ME3: variants seen among roughly 807,000 people sequenced by gnomAD.
ME3 encodes the protein malic enzyme 3.
ME3 carries 48 observed loss-of-function variants against 68.9 expected under a neutral mutation model. The observed-to-expected ratio is 0.70, with a 90% CI of 0.55 to 0.89. The LOEUF (loss-of-function observed/expected upper bound fraction) is 0.89, where lower values mean the gene tolerates loss of function less well. Ranked by LOEUF, ME3 falls within the 40% of genes least tolerant of loss-of-function variation. The pLI is 0.00. For synonymous variants in ME3, 320 were observed against 318.8 expected, an observed-to-expected ratio of 1.00 and a Z score of -0.04; for missense variants, 675 against 797.4, an observed-to-expected ratio of 0.85 and a Z score of 1.85.
chr11:86,667,613 T>A (rs766826759), intron 2 of ME3: 1 of 152,218 alleles, frequency 6.6e-6, no homozygotes. Flanking sequence ...TCTGTCCCCA[T>A]GGTCTAGTGT....
intron 2 of ME3, among the ~76,000 whole-genome samples, chr11:86,650,736 A>AGACAGTGGGTGCAG (rs902508785): frequency 6.6e-6 from 1 of 152,194 alleles, no homozygotes; most frequent in African/African-American, 2.4e-5. Flanking sequence ...AGGGATTGTC[A>AGACAGTGGGTGCAG]GACAGTGGGT....
rs572200775 is a variant in ME3 at position 86,651,485 on chromosome 11, G to A, written c.183+20277C>T. On this transcript the variant is annotated intron_variant, in intron 2 of 14. Coordinates refer to ENST00000543262, the Ensembl canonical transcript of ME3. ...TGCTGCTGATACCCAGGCAAACAGC[G>A]TCTGGAGTGGACCTCCAGCAAACTC... is the stretch of plus-strand genomic sequence containing the variant. Among the ~76,000 whole-genome samples, 12 of 152,330 alleles carry A rather than the reference G, an allele frequency of 7.9e-5. No individual in the cohort carries two copies. In the East Asian group the frequency reaches 9.6e-4, roughly 12 times the overall value.
chr11:86,652,153 A>G (rs1356702304), intron 2 of ME3, among the ~76,000 whole-genome samples: 1 of 152,230 alleles, frequency 6.6e-6, no homozygotes, highest in Non-Finnish European at 1.5e-5. Context: ...GAATGGAACC[A>G]AGTTGGAAAA....
chr11:86,446,676 A>G (rs145365461), intron 12 of ME3, among the ~76,000 whole-genome samples, 189 bp from the exon 13 acceptor site: 103 of 152,338 alleles, frequency 6.8e-4, no homozygotes, highest in African/African-American at 2.5e-3. Flanking sequence ...CTCACCTGTT[A>G]TCTAGCAGCC....
At chr11:86,532,065 A>G (rs781701842) in intron 4 of ME3, among the ~76,000 whole-genome samples, 1 of 152,186 alleles carries the variant, frequency 6.6e-6, no homozygotes. Context: ...AAAGAAGAAC[A>G]GGGTTAGTTA....
intron 7 of ME3, among the ~76,000 whole-genome samples, chr11:86,482,723 G>A (rs531890505): frequency 3.3e-5 from 5 of 151,706 alleles, no homozygotes; most frequent in African/African-American, 7.3e-5. Context: ...CATGTAAAAC[G>A]TTCAGCTATC....
intron 2 of ME3, among the ~76,000 whole-genome samples, chr11:86,621,827 T>C (rs927398001): frequency 6.6e-6 from 1 of 151,980 alleles, no homozygotes; most frequent in Non-Finnish European, 1.5e-5. Flanking sequence ...AATCAAAATA[T>C]AAAACAATGT....
At chr11:86,511,241 C>G (rs1953503530) in intron 4 of ME3, among the ~76,000 whole-genome samples, 1 of 152,172 alleles carries the variant, frequency 6.6e-6, no homozygotes, top group Non-Finnish European at 1.5e-5. Flanking sequence ...CATTGTTTTA[C>G]TTCTTGTGCT....
intron 4 of ME3, among the ~76,000 whole-genome samples, chr11:86,547,725 G>A (rs1244152745): frequency 6.6e-6 from 1 of 152,174 alleles, no homozygotes; most frequent in African/African-American, 2.4e-5. Flanking sequence ...AGAACATTTA[G>A]TGCATTGTAC....
chr11:86,583,276 G>C (rs1319672846), intron 2 of ME3, among the ~76,000 whole-genome samples: 1 of 152,160 alleles, frequency 6.6e-6, no homozygotes, highest in Non-Finnish European at 1.5e-5. Flanking sequence ...CATTCCACTG[G>C]GGGAGTTGAC....
intron 2 of ME3, among the ~76,000 whole-genome samples, chr11:86,582,842 A>C (rs1358839798): frequency 1.3e-5 from 2 of 151,790 alleles, no homozygotes; most frequent in Non-Finnish European, 2.9e-5. Flanking sequence ...CCTGCACACA[A>C]CACAGAGGCC....
intron 4 of ME3, among the ~76,000 whole-genome samples, chr11:86,526,015 G>A (rs530034099): frequency 6.6e-6 from 1 of 152,370 alleles, no homozygotes; most frequent in Admixed American, 6.5e-5. Context: ...GTGTCAGAAA[G>A]TGGATGCAGG....
intron 2 of ME3, among the ~76,000 whole-genome samples, chr11:86,589,027 C>A (rs1016561168): frequency 2.0e-5 from 3 of 152,170 alleles, no homozygotes; most frequent in Admixed American, 6.6e-5. Flanking sequence ...AGCTCGAAGG[C>A]CCTTAATAGA....
rs573956498 is a variant in ME3 at position 86,598,710 on chromosome 11, C to T, written c.184-38887G>A. Among the ~76,000 whole-genome samples the T allele has an allele frequency of 4.6e-5, 7 of 152,304 alleles. No homozygotes were observed. In the South Asian group the frequency reaches 8.3e-4, roughly 18 times the overall value. ...ACTGGGAGGCACCCCCCAGTAGGGG[C>T]AGACTAACACCTCACGCGGCCAGGT... On this transcript the variant is annotated intron_variant, in intron 2 of 14. Coordinates refer to ENST00000543262, the Ensembl canonical transcript of ME3.
At chr11:86,510,674 A>G (rs889666545) in intron 4 of ME3, among the ~76,000 whole-genome samples, 2 of 152,146 alleles carry the variant, frequency 1.3e-5, no homozygotes, top group South Asian at 2.1e-4. Flanking sequence ...CCAGATACCA[A>G]TAGCACCTCT....
chr11:86,600,069 A>G (rs1304040792), intron 2 of ME3, among the ~76,000 whole-genome samples: 2 of 152,154 alleles, frequency 1.3e-5, no homozygotes, highest in African/African-American at 4.8e-5. Flanking sequence ...ACCAGCTAAC[A>G]TCATAATGAC....
At chr11:86,475,111 C>T (rs1222015489) in intron 7 of ME3, among the ~76,000 whole-genome samples, 1 of 152,124 alleles carries the variant, frequency 6.6e-6, no homozygotes, top group African/African-American at 2.4e-5. Flanking sequence ...TGTATGTTGC[C>T]AGCCAAATCT....
chr11:86,491,941 C>T (rs1298841052), intron 6 of ME3, among the ~76,000 whole-genome samples: 1 of 152,158 alleles, frequency 6.6e-6, no homozygotes, highest in Non-Finnish European at 1.5e-5. Flanking sequence ...TCTGGTAACC[C>T]TATCTACAGA....
At chr11:86,666,057 A>G (rs926369510) in intron 2 of ME3, among the ~76,000 whole-genome samples, 27 of 152,224 alleles carry the variant, frequency 1.8e-4, no homozygotes, top group Admixed American at 1.5e-3. Flanking sequence ...TGAAAGCTTC[A>G]TATCAACATT....
Sources: allele counts gnomAD v4.1 joint callset (sites outside exome capture counted in the v4.1 genomes callset), GRCh38; gene constraint gnomAD v4.1.1; transcripts MANE v1.5; gene names NCBI Gene and HGNC (gene_info 2026-07-23, HGNC 2026-07-21).